GPC3: variants seen among roughly 807,000 people sequenced by gnomAD.
GPC3 encodes the protein glypican 3, also known as glypican-3.
A neutral mutation model predicts 34.4 loss-of-function variants in GPC3; 3 were observed. The ratio of observed to expected loss-of-function variants is 0.09; its 90% confidence interval spans 0.04 to 0.23. GPC3 has a LOEUF of 0.23. Ranked by LOEUF, GPC3 falls within the 10% of genes least tolerant of loss-of-function variation. GPC3 has a pLI of 1.00. For synonymous variants in GPC3, 177 were observed against 174.0 expected, an observed-to-expected ratio of 1.02 and a Z score of -0.13; for missense variants, 351 against 445.6, an observed-to-expected ratio of 0.79 and a Z score of 1.91.
intron 2 of GPC3, among the ~76,000 whole-genome samples, chrX:133,789,765 C>T (rs112678193): frequency 8.9e-6 from 1 of 112,402 alleles, no homozygotes; most frequent in Non-Finnish European, 1.9e-5. Context: ...TATCTATTAT[C>T]AATTTAAACT....
intron 7 of GPC3, among the ~76,000 whole-genome samples, chrX:133,548,118 T>C (rs1388430874): frequency 8.9e-6 from 1 of 112,508 alleles, no homozygotes; most frequent in Admixed American, 9.5e-5. Flanking sequence ...AGTTATTTAA[T>C]CATTTAGATT....
intron 2 of GPC3, among the ~76,000 whole-genome samples, chrX:133,834,264 T>TA (rs937621342): frequency 9.0e-6 from 1 of 111,050 alleles, no homozygotes; most frequent in African/African-American, 3.3e-5. Flanking sequence ...GTGGAAATGG[T>TA]AAAAAAGAGA....
intron 2 of GPC3, among the ~76,000 whole-genome samples, chrX:133,870,582 T>C (rs2075990001): frequency 1.8e-5 from 2 of 111,764 alleles, no homozygotes; most frequent in African/African-American, 6.5e-5. Flanking sequence ...CCTGTCCTTT[T>C]CACTCTTAGC....
chrX:133,659,947 G>A (rs1463898102), intron 6 of GPC3, among the ~76,000 whole-genome samples: 1 of 112,011 alleles, frequency 8.9e-6, no homozygotes, highest in Non-Finnish European at 1.9e-5. Context: ...CCTCAGAGAT[G>A]CATTTTGAAA....
chrX:133,803,220 C>T (rs1410670825), intron 2 of GPC3, among the ~76,000 whole-genome samples: 3 of 112,074 alleles, frequency 2.7e-5, no homozygotes, highest in East Asian at 2.8e-4. Flanking sequence ...CCAGTGCGCC[C>T]GGTAACAGTG....
intron 2 of GPC3, among the ~76,000 whole-genome samples, chrX:133,803,092 A>G (rs2075618093): frequency 9.1e-6 from 1 of 109,981 alleles, no homozygotes; most frequent in East Asian, 2.9e-4. Context: ...ACACCCAGCT[A>G]ATTTTTGTAT....
At chrX:133,666,823 T>A (rs1263644727) in intron 5 of GPC3, among the ~76,000 whole-genome samples, 1 of 112,146 alleles carries the variant, frequency 8.9e-6, no homozygotes, top group African/African-American at 3.2e-5. Context: ...ATTACTCTTA[T>A]ATACTCTATA....
rs145384196 is a variant in GPC3 at position 133,772,010 on chromosome X, C to T, written c.338-17834G>A. Among the ~76,000 whole-genome samples the T allele has an allele frequency of 4.8e-3, 531 of 111,638 alleles. 3 individuals carry two copies. The highest frequency in any genetic ancestry group is 0.016 in the African/African-American group (499 of 30,733). ...AGAACAAGACACCAGTATTCAGAGA[C>T]GCTGACAAATTCCAATATCCCTCTT... On this transcript the variant is annotated intron_variant, in intron 2 of 7. Coordinates refer to ENST00000370818, the MANE Select transcript of GPC3 (RefSeq NM_004484.4).
At chrX:133,699,334 A>G (rs1225225780) in intron 4 of GPC3, among the ~76,000 whole-genome samples, 1 of 112,192 alleles carries the variant, frequency 8.9e-6, no homozygotes, top group Non-Finnish European at 1.9e-5. Context: ...ATTGTAATCA[A>G]AAAAATAGAA....
intron 2 of GPC3, among the ~76,000 whole-genome samples, chrX:133,950,632 A>G (rs1803761391): frequency 8.9e-6 from 1 of 112,170 alleles, no homozygotes; most frequent in African/African-American, 3.2e-5. Flanking sequence ...TTTAGGGGAA[A>G]AACAATTGTG....
At chrX:133,954,924 T>C (rs1014809040) in intron 1 of GPC3, among the ~76,000 whole-genome samples, 98 of 109,481 alleles carry the variant, frequency 9.0e-4, no homozygotes, top group African/African-American at 3.0e-3. Context: ...ATTTTTTGTA[T>C]TGTTAGTAGA....
At chrX:133,800,148 T>C (rs1369711619) in intron 2 of GPC3, among the ~76,000 whole-genome samples, 2 of 112,124 alleles carry the variant, frequency 1.8e-5, no homozygotes, top group Non-Finnish European at 3.8e-5. Context: ...ACTGACACAG[T>C]GCAAAAACCA....
At chrX:133,886,645 C>T (rs2076063131) in intron 2 of GPC3, among the ~76,000 whole-genome samples, 1 of 112,041 alleles carries the variant, frequency 8.9e-6, no homozygotes, top group South Asian at 3.7e-4. Context: ...CAGCATTCTG[C>T]TCTCTCCTTC....
intron 6 of GPC3, among the ~76,000 whole-genome samples, chrX:133,651,333 C>T (rs1414752297): frequency 1.8e-5 from 2 of 110,317 alleles, no homozygotes; most frequent in Non-Finnish European, 3.8e-5. Flanking sequence ...CATGTAAATA[C>T]GTATCCCTCT....
intron 2 of GPC3, among the ~76,000 whole-genome samples, chrX:133,760,502 G>A (rs185574360): frequency 9.0e-6 from 1 of 111,692 alleles, no homozygotes; most frequent in Admixed American, 9.6e-5. Context: ...AATGTCTATT[G>A]CTAAGTGAAA....
chrX:133,800,897 G>A (rs1263012588), intron 2 of GPC3, among the ~76,000 whole-genome samples: 1 of 111,710 alleles, frequency 9.0e-6, no homozygotes, highest in Non-Finnish European at 1.9e-5. Flanking sequence ...GTATTAAACA[G>A]CCATTTAATG....
intron 2 of GPC3, among the ~76,000 whole-genome samples, chrX:133,768,642 C>T (rs2071877673): frequency 9.0e-6 from 1 of 111,731 alleles, no homozygotes; most frequent in Admixed American, 9.5e-5. Context: ...GATGAATGGA[C>T]AAAGAAAATG....
At chrX:133,944,870 T>G (rs1447626701) in intron 2 of GPC3, among the ~76,000 whole-genome samples, 2 of 111,737 alleles carry the variant, frequency 1.8e-5, no homozygotes, top group East Asian at 5.6e-4. Flanking sequence ...GATTTAATTT[T>G]GTTTAATGAA....
At chrX:133,935,878 T>G (rs17000534) in intron 2 of GPC3, among the ~76,000 whole-genome samples, 1,703 of 110,744 alleles carry the variant, frequency 0.015, 35 homozygotes, top group African/African-American at 0.053. Context: ...AACCTCATGC[T>G]TATATGACAA....
Sources: gnomAD v4.1 joint callset for allele counts (sites outside exome capture counted in the v4.1 genomes callset) on GRCh38, gnomAD v4.1.1 for gene constraint, MANE v1.5 for transcripts, NCBI Gene and HGNC (gene_info 2026-07-23, HGNC 2026-07-21) for gene names.